The following FTCDNL1 variants were observed in gnomAD, a reference collection of about 807,000 sequenced individuals.
FTCDNL1 encodes formiminotransferase N-terminal subdomain-containing protein.
A neutral mutation model predicts 5.9 loss-of-function variants in FTCDNL1; 11 were observed. The ratio of observed to expected loss-of-function variants is 1.87; its 90% CI spans 1.18 to 3.10. The LOEUF is 3.10. Among genes scored for constraint, FTCDNL1 ranks in the 30% most tolerant of loss-of-function variants. The probability of loss-of-function intolerance (pLI) is 0.00; values close to 1 mark genes in which losing one functional copy is unlikely to be tolerated. For missense variants in FTCDNL1, 115 were observed against 65.5 expected, an observed-to-expected ratio of 1.76 and a Z score of -2.61; for synonymous variants, 58 against 24.8, an observed-to-expected ratio of 2.34 and a Z score of -3.99.
At chr2:199,749,811 A>G in the FTCDNL1 span, among the ~76,000 whole-genome samples, 1 of 152,156 alleles carries the variant, frequency 6.6e-6, no homozygotes, top group South Asian at 2.1e-4. Flanking sequence ...ACTGTCTCTG[A>G]GGACATGAAT....
At chr2:199,796,222 A>G (rs530881666) in intron 3 of FTCDNL1, among the ~76,000 whole-genome samples, 64 of 152,352 alleles carry the variant, frequency 4.2e-4, no homozygotes, top group African/African-American at 1.0e-3. Flanking sequence ...GTGCAAGTTT[A>G]TCACGGTGAC....
intron 3 of FTCDNL1, among the ~76,000 whole-genome samples, chr2:199,845,833 CAAAA>C (rs750888679): frequency 1.1e-4 from 11 of 100,410 alleles, no homozygotes; most frequent in Admixed American, 3.2e-4. Context: ...TCACCTTCAG[CAAAA>C]AAAAAAAAAA....
chr2:199,709,808 G>A, the FTCDNL1 span, among the ~76,000 whole-genome samples: 1 of 151,808 alleles, frequency 6.6e-6, no homozygotes, highest in Non-Finnish European at 1.5e-5. Context: ...AAGTAGAAAA[G>A]GTTTTTGTAA....
At chr2:199,799,504 T>G (rs1460506179) in intron 3 of FTCDNL1, among the ~76,000 whole-genome samples, 2 of 152,146 alleles carry the variant, frequency 1.3e-5, no homozygotes, top group Non-Finnish European at 2.9e-5. Context: ...TTTACTTTAA[T>G]CAAAGTGACA....
chr2:199,759,141 G>T (rs201263470), downstream of FTCDNL1, among the ~76,000 whole-genome samples: 9 of 150,176 alleles, frequency 6.0e-5, no homozygotes, highest in Non-Finnish European at 1.3e-4. Flanking sequence ...ATTTGTGTGT[G>T]TATATATATA....
intron 3 of FTCDNL1, among the ~76,000 whole-genome samples, chr2:199,795,168 G>T (rs1460125985): frequency 6.6e-6 from 1 of 152,192 alleles, no homozygotes; most frequent in African/African-American, 2.4e-5. Flanking sequence ...CTCAATAAGT[G>T]GTAGCTGATA....
At chr2:199,720,194 A>G in the FTCDNL1 span, among the ~76,000 whole-genome samples, 1 of 152,112 alleles carries the variant, frequency 6.6e-6, no homozygotes, top group African/African-American at 2.4e-5. Flanking sequence ...CCTCTTCTCC[A>G]ATTTGGATGC....
chr2:199,671,494 A>G, the FTCDNL1 span, among the ~76,000 whole-genome samples: 22 of 152,300 alleles, frequency 1.4e-4, no homozygotes, highest in South Asian at 4.1e-3. Flanking sequence ...AAACCTCCCA[A>G]ACTCTCTTAC....
At chr2:199,729,553 C>A in the FTCDNL1 span, among the ~76,000 whole-genome samples, 1 of 152,110 alleles carries the variant, frequency 6.6e-6, no homozygotes, top group East Asian at 1.9e-4. Flanking sequence ...TTCTATACAC[C>A]AATAACAGAC....
At chr2:199,689,387 G>A in the FTCDNL1 span, among the ~76,000 whole-genome samples, 4 of 152,290 alleles carry the variant, frequency 2.6e-5, no homozygotes, top group South Asian at 6.2e-4. Flanking sequence ...GCCTTGAAAG[G>A]AATTGAGTTA....
rs751212645 is a variant in FTCDNL1, at chr2:199,848,818, T to C, written c.115+30A>G. 2.9e-5 allele frequency: 20 copies of C among 700,660 alleles called. No homozygotes were observed. The African/African-American group carries it at 3.5e-4, about 12-fold the overall frequency. 43.4% of individuals were successfully genotyped at this position (700,660 alleles called of 1,614,324 possible). A position where few individuals can be genotyped will look rare whatever the true frequency, so the allele number is the denominator to read the frequency against. ...TTACTAAATTATCAAAACACTATAA[T>C]ATTCAGCTTCAATTGTCTGTTTTTC... On this transcript the variant is annotated intron_variant, in intron 2 of 4. Coordinates refer to ENST00000420128, the MANE Select transcript of FTCDNL1 (RefSeq NM_001363886.2).
intron 3 of FTCDNL1, among the ~76,000 whole-genome samples, chr2:199,801,302 A>G (rs1042687783): frequency 1.3e-5 from 2 of 152,156 alleles, no homozygotes; most frequent in African/African-American, 4.8e-5. Context: ...AAATGTCCAG[A>G]GCCACTCCCA....
chr2:199,839,771 TCA>T (rs1172538547), intron 3 of FTCDNL1, among the ~76,000 whole-genome samples: 2 of 152,186 alleles, frequency 1.3e-5, no homozygotes, highest in Non-Finnish European at 2.9e-5. Context: ...AAACAAGAAC[TCA>T]GTGACACAAC....
chr2:199,693,304 C>T, the FTCDNL1 span, among the ~76,000 whole-genome samples: 1 of 152,118 alleles, frequency 6.6e-6, no homozygotes, highest in Non-Finnish European at 1.5e-5. Flanking sequence ...TAATACTTGC[C>T]AATTTGTAAA....
At chr2:199,828,187 GA>G (rs1388099557) in intron 3 of FTCDNL1, among the ~76,000 whole-genome samples, 1 of 152,094 alleles carries the variant, frequency 6.6e-6, no homozygotes, top group Non-Finnish European at 1.5e-5. Context: ...TTTAGTCAGA[GA>G]ATTACTTACT....
intron 3 of FTCDNL1, among the ~76,000 whole-genome samples, chr2:199,776,104 G>A (rs984655491): frequency 1.3e-5 from 2 of 151,984 alleles, no homozygotes. Flanking sequence ...AGTAGAGATG[G>A]GGTTTCACCT....
chr2:199,769,326 G>C (rs929375173), intron 3 of FTCDNL1, among the ~76,000 whole-genome samples: 7 of 152,064 alleles, frequency 4.6e-5, no homozygotes, highest in African/African-American at 1.4e-4. Context: ...ATTGAATCAC[G>C]GAGGCAGTTT....
At chr2:199,667,063 T>C in the FTCDNL1 span, among the ~76,000 whole-genome samples, 8 of 152,088 alleles carry the variant, frequency 5.3e-5, no homozygotes, top group Non-Finnish European at 1.2e-4. Flanking sequence ...GGGACTGTGA[T>C]TGCAACCTAA....
intron 3 of FTCDNL1, among the ~76,000 whole-genome samples, chr2:199,770,137 C>T (rs140346245): frequency 3.4e-4 from 51 of 152,210 alleles, no homozygotes; most frequent in Non-Finnish European, 5.9e-4. Context: ...ACTTTTTTTG[C>T]TTATACCCTT....
Sources: gnomAD v4.1 joint callset for allele counts (sites outside exome capture counted in the v4.1 genomes callset) on GRCh38, gnomAD v4.1.1 for gene constraint, MANE v1.5 for transcripts, NCBI Gene and HGNC (gene_info 2026-07-23, HGNC 2026-07-21) for gene names.